Variants in SUPV3L1 observed in about 807,000 individuals in gnomAD.
SUPV3L1 encodes the protein ATP-dependent RNA helicase SUPV3L1, mitochondrial.
SUPV3L1 carries 35 observed loss-of-function variants against 70.0 expected under a neutral mutation model. The ratio of observed to expected loss-of-function variants is 0.50; its 90% CI spans 0.38 to 0.66. The LOEUF (loss-of-function observed/expected upper bound fraction) is 0.66, where lower values mean the gene tolerates loss of function less well. Ranked by LOEUF, SUPV3L1 falls within the 30% of genes least tolerant of loss-of-function variation. The pLI is 0.00. For synonymous variants in SUPV3L1, 364 were observed against 341.9 expected (o/e 1.06, Z -0.71); for missense variants, 777 against 961.5 (o/e 0.81, Z 2.54).
chr10:69,186,344 A>T, intron 2 of SUPV3L1, 99 bp from the exon 3 acceptor site: 28 of 469,172 alleles, frequency 6.0e-5, no homozygotes, highest in East Asian at 8.7e-5. Context: ...AAAAAAAAAA[A>T]GAAAAAAAAA....
At chr10:69,182,299 T>C (rs754560382) in intron 1 of SUPV3L1, among the ~76,000 whole-genome samples, 1 of 135,422 alleles carries the variant, frequency 7.4e-6, no homozygotes, top group Non-Finnish European at 1.7e-5. Flanking sequence ...CCAGCCAGTC[T>C]TAATTGTTTT....
At chr10:69,207,694 C>A in intron 13 of SUPV3L1, 99 bp from the exon 14 acceptor site, 1 of 1,379,388 alleles carries the variant, frequency 7.2e-7, no homozygotes, top group African/African-American at 1.5e-5. Flanking sequence ...GAAATACAAC[C>A]ACAATGTTTT....
intron 1 of SUPV3L1, among the ~76,000 whole-genome samples, chr10:69,184,722 C>T (rs1470968255): frequency 2.6e-5 from 4 of 151,786 alleles, no homozygotes; most frequent in Non-Finnish European, 5.9e-5. Flanking sequence ...CTCATTCTGT[C>T]AAACAGTTTT....
In SUPV3L1 at chr10:69,207,780, C is replaced by T. The variant is rs1342609006; in HGVS notation, c.1777-13C>T. 6 of 1,607,530 alleles carry T rather than the reference C, an allele frequency of 3.7e-6. No homozygotes were observed. The highest frequency in any genetic ancestry group is 5.1e-6 in the Non-Finnish European group (6 of 1,177,138). ...GACACTTCTCTGAAACCCTTTTCCT[C>T]TTTCTCTCTCAGTTTGCCAGGCAGT... On this transcript the variant is annotated splice_polypyrimidine_tract_variant and intron_variant, in intron 13 of 14. Transcript: ENST00000359655.
At position 69,180,774 on chromosome 10, in the gene SUPV3L1, C is replaced by T. The variant is rs866557378; in HGVS notation, c.271+212C>T. The stretch of plus-strand genomic sequence containing the variant: ...AATTCTTAACGCCTCGTCCCAGAAG[C>T]GGCCTTTTCCCTTTTACTGCCCTGC... On this transcript the variant is annotated intron_variant, in intron 1 of 14. Transcript: ENST00000359655. Among the ~76,000 whole-genome samples, 3 of 152,316 alleles carry T rather than the reference C, an allele frequency of 2.0e-5. No individual in the cohort carries two copies. In the South Asian group the frequency reaches 6.2e-4, roughly 32 times the overall value.
intron 1 of SUPV3L1, among the ~76,000 whole-genome samples, chr10:69,185,536 C>G (rs144891751): frequency 1.5e-4 from 22 of 147,180 alleles, no homozygotes; most frequent in Middle Eastern, 3.7e-3. Flanking sequence ...GAGACTCGCT[C>G]TGTCTCCTAG....
intron 2 of SUPV3L1, 84 bp from the exon 3 acceptor site, chr10:69,186,356 ACTC>A: frequency 1.2e-6 from 1 of 835,482 alleles, no homozygotes; most frequent in Non-Finnish European, 1.9e-6. Flanking sequence ...AAAAAAAAAG[ACTC>A]TTTGATGAGT....
chr10:69,191,630 T>C (rs200672047), intron 5 of SUPV3L1, 25 bp from the exon 6 acceptor site: 3 of 1,591,204 alleles, frequency 1.9e-6, no homozygotes, highest in Non-Finnish European at 2.6e-6. Context: ...TTTCAATAAT[T>C]CTAGTTTTTT....
At chr10:69,189,197 T>G (rs1842318714) in intron 4 of SUPV3L1, 70 bp from the exon 5 acceptor site, 2 of 1,487,168 alleles carry the variant, frequency 1.3e-6, no homozygotes, top group Non-Finnish European at 1.8e-6. Flanking sequence ...GGAATTTGTT[T>G]CATTTGCTGT....
chr10:69,208,484 G>A (rs1475396408), intron 14 of SUPV3L1, 116 bp from the exon 15 acceptor site: 39 of 1,151,696 alleles, frequency 3.4e-5, no homozygotes, highest in South Asian at 3.0e-5. Flanking sequence ...ACTGAAGAGA[G>A]TTTGCAAAAA....
chr10:69,180,522 C>T lies in SUPV3L1; in HGVS notation c.231C>T (p.Asp77=). ...LTVKPQGPSA[D]GDVGAELTRP... ...TGAAACCTCAGGGCCCCAGCGCCGA[C>T]GGCGACGTCGGGGCCGAGCTAACCC... Residue 77 remains aspartate (D), a synonymous_variant, in exon 1 of 15, where the codon GAC becomes GAT. Transcript: ENST00000359655. The T allele has an allele frequency of 6.2e-7, 1 of 1,614,228 alleles. No homozygotes were observed. The highest frequency in any genetic ancestry group is 1.6e-4 in the Middle Eastern group (1 of 6,062).
chr10:69,191,917 C>G, intron 6 of SUPV3L1, 151 bp downstream of exon 6: 1 of 509,912 alleles, frequency 2.0e-6, no homozygotes, highest in Non-Finnish European at 3.5e-6. Flanking sequence ...AGCGATTCTC[C>G]TGCCTCAGCC....
chr10:69,194,500 C>T (rs1021341882), intron 6 of SUPV3L1, among the ~76,000 whole-genome samples: 11 of 152,122 alleles, frequency 7.2e-5, no homozygotes, highest in African/African-American at 2.4e-4. Context: ...TACAGGCGCA[C>T]GCCACCATGC....
chr10:69,183,824 TA>T (rs1842138199), intron 1 of SUPV3L1, among the ~76,000 whole-genome samples: 1 of 151,726 alleles, frequency 6.6e-6, no homozygotes, highest in South Asian at 2.1e-4. Context: ...TTTATCACCC[TA>T]AAAAGAAACC....
rs537263115 is a variant in SUPV3L1, at chr10:69,181,480, A to G, written c.271+918A>G. Among the ~76,000 whole-genome samples the G allele has an allele frequency of 1.6e-4, 24 of 152,330 alleles. 1 individual carries two copies. The South Asian group carries it at 1.9e-3, about 12-fold the overall frequency. On this transcript the variant is annotated intron_variant, in intron 1 of 14. Transcript: ENST00000359655. ...CTAAACATGTGATGGAACTCACAGTATATGTTATTCTTTGACATATTCTTC... is the reference window on the plus strand; with the variant it reads ...CTAAACATGTGATGGAACTCACAGTGTATGTTATTCTTTGACATATTCTTC...
At chr10:69,204,108 C>G (rs973731487) in intron 13 of SUPV3L1, among the ~76,000 whole-genome samples, 1 of 152,106 alleles carries the variant, frequency 6.6e-6, no homozygotes, top group Non-Finnish European at 1.5e-5. Flanking sequence ...ATGGCATATC[C>G]ACTTGATTGG....
chr10:69,199,585 G>A (rs1842632054), intron 10 of SUPV3L1, among the ~76,000 whole-genome samples: 1 of 151,846 alleles, frequency 6.6e-6, no homozygotes, highest in Non-Finnish European at 1.5e-5. Flanking sequence ...GTCTTACCCT[G>A]TTGCCCAAGC....
At chr10:69,191,634 G>GT (rs750979318) in intron 5 of SUPV3L1, 21 bp from the exon 6 acceptor site, 30 of 1,596,386 alleles carry the variant, frequency 1.9e-5, no homozygotes, top group Non-Finnish European at 2.3e-5. Context: ...AATAATTCTA[G>GT]TTTTTTTTCT....
intron 7 of SUPV3L1, 83 bp downstream of exon 7, chr10:69,195,348 A>G: frequency 9.9e-7 from 1 of 1,012,446 alleles, no homozygotes; most frequent in African/African-American, 1.6e-5. Flanking sequence ...ATTGCCAACC[A>G]AATAGAGTCA....
Sources: allele counts gnomAD v4.1 joint callset (sites outside exome capture counted in the v4.1 genomes callset), GRCh38; gene constraint gnomAD v4.1.1; transcripts MANE v1.5; gene names NCBI Gene and HGNC (gene_info 2026-07-23, HGNC 2026-07-21).